PISD: variants seen among roughly 807,000 people sequenced by gnomAD.
PISD encodes the protein phosphatidylserine decarboxylase proenzyme, mitochondrial.
A neutral mutation model predicts 43.5 loss-of-function variants in PISD; 31 were observed. The observed-to-expected ratio is 0.71, with a 90% CI of 0.54 to 0.96. The LOEUF (loss-of-function observed/expected upper bound fraction) is 0.96, where lower values mean the gene tolerates loss of function less well. Among genes scored for constraint, PISD ranks in the 40% least tolerant of loss-of-function variants. The pLI is 0.00. For synonymous variants in PISD, 259 were observed against 228.7 expected (o/e 1.13, Z -1.20); for missense variants, 523 against 548.4 (o/e 0.95, Z 0.46).
At chr22:31,645,029 G>A (rs1252282067) in intron 3 of PISD, among the ~76,000 whole-genome samples, 1 of 152,150 alleles carries the variant, frequency 6.6e-6, no homozygotes, top group African/African-American at 2.4e-5. Context: ...GGCTGAGGCA[G>A]GAGAATCGCT....
intron 1 of PISD, among the ~76,000 whole-genome samples, chr22:31,659,751 C>A (rs1317669017): frequency 1.3e-5 from 2 of 151,976 alleles, no homozygotes; most frequent in Non-Finnish European, 2.9e-5. Flanking sequence ...GCCACCACAC[C>A]CGGCTAATTT....
At chr22:31,632,470 A>G (rs2073245396) in intron 3 of PISD, among the ~76,000 whole-genome samples, 1 of 152,086 alleles carries the variant, frequency 6.6e-6, no homozygotes, top group Admixed American at 6.6e-5. Flanking sequence ...CACTGATGAG[A>G]AAAAAAATCT....
intron 1 of PISD, among the ~76,000 whole-genome samples, chr22:31,655,517 C>T (rs781371874): frequency 6.6e-6 from 1 of 152,162 alleles, no homozygotes; most frequent in African/African-American, 2.4e-5. Flanking sequence ...TAAGGTCTTG[C>T]CATCTGGCCT....
At chr22:31,621,583 G>T in intron 4 of PISD, 66 bp downstream of exon 4, 2 of 1,584,892 alleles carry the variant, frequency 1.3e-6, no homozygotes, top group Non-Finnish European at 8.6e-7. Flanking sequence ...CTGGAGACCA[G>T]GGGGGCTGTG....
intron 3 of PISD, chr22:31,628,289 G>T: frequency 1.6e-6 from 1 of 640,690 alleles, no homozygotes; most frequent in Non-Finnish European, 1.9e-6. Context: ...TTGGCCAGCA[G>T]TGTTTCTGGC....
At chr22:31,622,349 G>C (rs759789460) in intron 3 of PISD, among the ~76,000 whole-genome samples, 19 of 152,356 alleles carry the variant, frequency 1.2e-4, no homozygotes, top group Middle Eastern at 3.4e-3. Context: ...CATGGAACAA[G>C]TCTACAGCCC....
chr22:31,623,761 A>AGGGCCAGGAGCGCAGTTTCAGAGC (rs1569482115), intron 3 of PISD: 1 of 1,614,194 alleles, frequency 6.2e-7, no homozygotes, highest in Non-Finnish European at 8.5e-7. Context: ...AGGACGGTCA[A>AGGGCCAGGAGCGCAGTTTCAGAGC]GGGCCAGGAG....
At chr22:31,623,832 A>G (rs1206798086) in intron 3 of PISD, 1 of 1,613,608 alleles carries the variant, frequency 6.2e-7, no homozygotes, top group South Asian at 1.1e-5. Context: ...CCTCAGGGCC[A>G]GCTGGGGGAA....
rs929323121 is a variant in PISD at position 31,620,836 on chromosome 22, T to TG, written c.845-124dup. On this transcript the variant is annotated intron_variant, in intron 6 of 7. Transcript: ENST00000439502. ...ATGTCACTCCAAATGCTGAGCTGACTGGGCCCCACGGTCCCCTGCCCACAA... is the reference window on the plus strand; with the variant it reads ...ATGTCACTCCAAATGCTGAGCTGACTGGGGCCCCACGGTCCCCTGCCCACAA... 40 of 1,418,134 alleles carry TG rather than the reference T, an allele frequency of 2.8e-5. No homozygotes were observed. In the African/African-American group the frequency reaches 4.1e-4, roughly 15 times the overall value. The allele number at this position is 1,418,134 out of a possible 1,614,324, so 87.8% of individuals were successfully genotyped here. A position where few individuals can be genotyped will look rare whatever the true frequency, so the allele number is the denominator to read the frequency against.
At chr22:31,628,232 C>T (rs1304550836) in intron 3 of PISD, 11 of 977,806 alleles carry the variant, frequency 1.1e-5, no homozygotes, top group Middle Eastern at 5.2e-4. Flanking sequence ...AGAGAAGGGG[C>T]GCCTAGAGGT....
At chr22:31,619,870 G>C (rs1214644650) in intron 7 of PISD, 34 bp from the exon 8 acceptor site, 2 of 1,448,096 alleles carry the variant, frequency 1.4e-6, no homozygotes, top group East Asian at 4.6e-5. Context: ...GTGGGGCCCA[G>C]GCCACCAAGT....
intron 1 of PISD, among the ~76,000 whole-genome samples, chr22:31,654,122 G>A (rs1409713578): frequency 6.6e-6 from 1 of 152,004 alleles, no homozygotes; most frequent in Non-Finnish European, 1.5e-5. Context: ...CCTCATCAAG[G>A]TCACCAACAA....
At chr22:31,658,947 G>C (rs184027489) in intron 1 of PISD, among the ~76,000 whole-genome samples, 1 of 150,428 alleles carries the variant, frequency 6.6e-6, no homozygotes, top group African/African-American at 2.4e-5. Context: ...TCAACCTCCT[G>C]GGCTCAGGCA....
At position 31,618,569 on chromosome 22, in the gene PISD, C is replaced by G. The variant is rs901152194; in HGVS notation, c.*1043G>C. 1 of 762,338 alleles carries G rather than the reference C, an allele frequency of 1.3e-6. No individual in the cohort carries two copies. The highest frequency in any genetic ancestry group is 1.8e-5 in the African/African-American group (1 of 56,092). The allele number at this position is 762,338 out of a possible 1,614,324, so 47.2% of individuals were successfully genotyped here. A position where few individuals can be genotyped will look rare whatever the true frequency, so the allele number is the denominator to read the frequency against. On this transcript the variant is annotated 3_prime_UTR_variant, in exon 8 of 8. Coordinates refer to ENST00000439502, the MANE Select transcript of PISD (RefSeq NM_001326411.2). ...GTTCAGAAGTCTCCCACTTTTCATA[C>G]AAAAATACTGTGCTACTGATACAGT...
chr22:31,621,700 G>T lies in PISD; in HGVS notation c.507C>A (p.Phe169Leu). The T allele has an allele frequency of 1.9e-6, 3 of 1,614,012 alleles. No homozygotes were observed. Among genetic ancestry groups the T allele is most frequent in the Non-Finnish European group, 2.5e-6 (3 of 1,180,016 alleles). ...LHHYRNLSEF[F>L]RRKLKPQARP... ...GGGCCTGCGGCTTCAGCTTGCGCCGGAAGAACTCGCTGAGGTTGCGGTAGT... is the reference window on the plus strand; with the variant it reads ...GGGCCTGCGGCTTCAGCTTGCGCCGTAAGAACTCGCTGAGGTTGCGGTAGT... Residue 169 changes from phenylalanine (F) to leucine (L), a missense_variant, in exon 4 of 8, where the codon TTC (phenylalanine) becomes TTA (leucine). Phe to Leu is a conservative substitution (Grantham distance 22). Coordinates refer to ENST00000439502, the MANE Select transcript of PISD (RefSeq NM_001326411.2).
intron 3 of PISD, among the ~76,000 whole-genome samples, chr22:31,623,077 G>C (rs2072672720): frequency 6.6e-6 from 1 of 152,232 alleles, no homozygotes; most frequent in Non-Finnish European, 1.5e-5. Flanking sequence ...GTGCCCCTGA[G>C]CTCTGATGAC....
chr22:31,641,203 T>A (rs959385988), intron 3 of PISD, among the ~76,000 whole-genome samples: 4 of 152,106 alleles, frequency 2.6e-5, no homozygotes, highest in African/African-American at 7.2e-5. Context: ...AATCAGCATA[T>A]GATTTTTTTT....
intron 1 of PISD, among the ~76,000 whole-genome samples, chr22:31,656,406 G>A (rs917063623): frequency 6.6e-6 from 1 of 151,742 alleles, no homozygotes; most frequent in Non-Finnish European, 1.5e-5. Context: ...CTCCCAGCAC[G>A]TTGGAAGGCC....
intron 2 of PISD, among the ~76,000 whole-genome samples, chr22:31,648,967 T>C (rs765610861): frequency 2.6e-5 from 4 of 152,216 alleles, no homozygotes; most frequent in South Asian, 4.1e-4. Context: ...CCAGGGCTCT[T>C]TGATCTTGCT....
Sources: gnomAD v4.1 joint callset for allele counts (sites outside exome capture counted in the v4.1 genomes callset) on GRCh38, gnomAD v4.1.1 for gene constraint, MANE v1.5 for transcripts, NCBI Gene and HGNC (gene_info 2026-07-23, HGNC 2026-07-21) for gene names.